The following SORCS1 variants were observed in gnomAD, a reference collection of about 807,000 sequenced individuals.
The protein encoded by SORCS1 is sortilin related VPS10 domain containing receptor 1, also known as VPS10 domain-containing receptor SorCS1.
A neutral mutation model predicts 146.1 loss-of-function variants in SORCS1; 60 were observed. That is an observed-to-expected ratio of 0.41 (90% confidence interval 0.33 to 0.51). SORCS1 has a LOEUF of 0.51. Among genes scored for constraint, SORCS1 ranks in the 20% least tolerant of loss-of-function variants. The pLI is 0.21. For missense variants in SORCS1, 1,352 were observed against 1,487.6 expected (o/e 0.91, Z 1.50); for synonymous variants, 637 against 584.0 (o/e 1.09, Z -1.31).
At chr10:107,034,694 A>AAAAAAC (rs1958815075) in intron 1 of SORCS1, among the ~76,000 whole-genome samples, 6 of 145,638 alleles carry the variant, frequency 4.1e-5, no homozygotes. Flanking sequence ...AAAAAAAAAA[A>AAAAAAC]AAAAAAAAAA....
At chr10:106,857,596 G>A (rs1949839999) in intron 2 of SORCS1, among the ~76,000 whole-genome samples, 1 of 152,230 alleles carries the variant, frequency 6.6e-6, no homozygotes, top group South Asian at 2.1e-4. Context: ...GTGCATCACA[G>A]ACTCTGCTCC....
At chr10:106,963,404 C>T (rs961345227) in intron 1 of SORCS1, among the ~76,000 whole-genome samples, 7 of 152,000 alleles carry the variant, frequency 4.6e-5, no homozygotes, top group African/African-American at 7.2e-5. Context: ...TGTGAGGCAC[C>T]GCACCCGGCC....
chr10:107,081,276 C>T (rs555678960), intron 1 of SORCS1, among the ~76,000 whole-genome samples: 1 of 152,312 alleles, frequency 6.6e-6, no homozygotes, highest in Non-Finnish European at 1.5e-5. Context: ...CAGGTTACCA[C>T]GTCACAGGCT....
At chr10:107,008,145 C>T (rs970651264) in intron 1 of SORCS1, among the ~76,000 whole-genome samples, 17 of 152,016 alleles carry the variant, frequency 1.1e-4, no homozygotes, top group African/African-American at 3.6e-4. Flanking sequence ...TAACATCATA[C>T]GATTCTTCAT....
At chr10:106,950,637 GATATTAT>G (rs1954632267) in intron 2 of SORCS1, among the ~76,000 whole-genome samples, 2 of 151,694 alleles carry the variant, frequency 1.3e-5, no homozygotes. Flanking sequence ...TACATATATA[GATATTAT>G]ATAATAATAT....
intron 24 of SORCS1, among the ~76,000 whole-genome samples, chr10:106,596,883 A>G (rs1010939762): frequency 3.9e-5 from 6 of 152,128 alleles, no homozygotes; most frequent in Non-Finnish European, 8.8e-5. Flanking sequence ...TTACCTTCTC[A>G]CTGGGTCACC....
intron 3 of SORCS1, among the ~76,000 whole-genome samples, chr10:106,801,672 G>A (rs1946892982): frequency 1.3e-5 from 2 of 151,940 alleles, no homozygotes; most frequent in African/African-American, 4.8e-5. Flanking sequence ...TGGGACTACA[G>A]GCGCCCGCCA....
chr10:106,632,708 C>T (rs1255551535), intron 18 of SORCS1, among the ~76,000 whole-genome samples: 5 of 152,100 alleles, frequency 3.3e-5, no homozygotes. Flanking sequence ...ACTAGTGAAA[C>T]ACATGCACTT....
In SORCS1 at chr10:106,837,551, G is replaced by A. The variant is rs1343279724; in HGVS notation, c.627-7878C>T. On this transcript the variant is annotated intron_variant, in intron 2 of 25. Coordinates refer to ENST00000263054, the MANE Select transcript of SORCS1 (RefSeq NM_052918.5). The stretch of plus-strand genomic sequence containing the variant: ...CTTTTGCAACACCAAACAGGAAAAA[G>A]CCCCCTTTGGGGTAACTGAGACCCC... 2.0e-5 allele frequency among the ~76,000 whole-genome samples: 3 copies of A among 150,326 alleles called. No individual in the cohort carries two copies. In the East Asian group the frequency reaches 5.8e-4, roughly 29 times the overall value.
At chr10:106,672,141 T>C (rs966324696) in intron 15 of SORCS1, among the ~76,000 whole-genome samples, 3 of 152,200 alleles carry the variant, frequency 2.0e-5, no homozygotes, top group African/African-American at 7.2e-5. Context: ...TCATTATACA[T>C]CTACATTTAC....
At chr10:106,738,085 C>T (rs181634375) in intron 5 of SORCS1, among the ~76,000 whole-genome samples, 1,641 of 151,864 alleles carry the variant, frequency 0.011, 12 homozygotes, top group Non-Finnish European at 0.017. Flanking sequence ...TATTGATGGA[C>T]GCAAAGAAAA....
chr10:106,819,033 T>A (rs12250884), intron 3 of SORCS1, among the ~76,000 whole-genome samples: 1 of 152,150 alleles, frequency 6.6e-6, no homozygotes, highest in Non-Finnish European at 1.5e-5. Context: ...TTAAAAAAGA[T>A]CTGGAACAAA....
intron 3 of SORCS1, among the ~76,000 whole-genome samples, chr10:106,826,337 G>A (rs1354528631): frequency 2.0e-5 from 3 of 152,320 alleles, no homozygotes; most frequent in African/African-American, 4.8e-5. Flanking sequence ...AGATAGCACC[G>A]CGGAGACCTG....
chr10:106,736,730 C>T (rs1018692808), intron 5 of SORCS1, among the ~76,000 whole-genome samples: 12 of 152,028 alleles, frequency 7.9e-5, no homozygotes, highest in Non-Finnish European at 8.8e-5. Context: ...ACAAAGCAGC[C>T]GAAGGTGCCA....
At chr10:106,618,106 T>C in intron 21 of SORCS1, 43 bp downstream of exon 21, 1 of 1,611,546 alleles carries the variant, frequency 6.2e-7, no homozygotes, top group Non-Finnish European at 8.5e-7. Context: ...GAACCTCCTC[T>C]GAGCATGAAG....
intron 18 of SORCS1, among the ~76,000 whole-genome samples, chr10:106,638,951 TA>T (rs1480069165): frequency 6.6e-6 from 1 of 152,192 alleles, no homozygotes; most frequent in East Asian, 1.9e-4. Context: ...ACAATTCTAT[TA>T]TTCTTGTTAT....
In SORCS1 at chr10:106,597,457, A is replaced by G. The variant is rs1357412414; in HGVS notation, c.3166-7T>C. The G allele has an allele frequency of 5.0e-6, 8 of 1,611,090 alleles. No individual in the cohort carries two copies. The highest frequency in any genetic ancestry group is 6.8e-6 in the Non-Finnish European group (8 of 1,177,536). On this transcript the variant is annotated splice_region_variant and splice_polypyrimidine_tract_variant and intron_variant, in intron 23 of 25. Coordinates refer to ENST00000263054, the MANE Select transcript of SORCS1 (RefSeq NM_052918.5). Reference sequence around the variant, plus strand: ...GGATCAGCAATTCTGATATCTGAAAAAAGAAGCATAGTTAGTGACACCAAA... The same window carrying G: ...GGATCAGCAATTCTGATATCTGAAAGAAGAAGCATAGTTAGTGACACCAAA...
At chr10:106,662,828 C>T (rs941404581) in intron 17 of SORCS1, among the ~76,000 whole-genome samples, 2 of 152,142 alleles carry the variant, frequency 1.3e-5, no homozygotes, top group African/African-American at 4.8e-5. Context: ...AATCCACTGG[C>T]ATTTGAATTT....
At chr10:106,802,886 T>C (rs1946979246) in intron 3 of SORCS1, among the ~76,000 whole-genome samples, 1 of 152,174 alleles carries the variant, frequency 6.6e-6, no homozygotes, top group Non-Finnish European at 1.5e-5. Context: ...CCTCCCGCCT[T>C]GGCCTCCCAA....
Sources: gnomAD v4.1 joint callset for allele counts (sites outside exome capture counted in the v4.1 genomes callset) on GRCh38, gnomAD v4.1.1 for gene constraint, MANE v1.5 for transcripts, NCBI Gene and HGNC (gene_info 2026-07-23, HGNC 2026-07-21) for gene names.